CLCN5: variants seen among roughly 807,000 people sequenced by gnomAD.
CLCN5 encodes the protein H(+)/Cl(-) exchange transporter 5.
CLCN5 carries 17 observed loss-of-function variants against 54.0 expected under a neutral mutation model. The observed-to-expected ratio is 0.31, with a 90% CI of 0.22 to 0.47. CLCN5 has a LOEUF of 0.47. Ranked by LOEUF, CLCN5 falls within the 20% of genes least tolerant of loss-of-function variation. The pLI, the probability that CLCN5 is intolerant of heterozygous loss-of-function variation, is 1.00. For missense variants in CLCN5, 448 were observed against 646.7 expected (o/e 0.69, Z 3.33); for synonymous variants, 222 against 233.0 (o/e 0.95, Z 0.43).
intron 5 of CLCN5, 130 bp from the exon 6 acceptor site, chrX:50,072,359 T>A: frequency 1.9e-6 from 1 of 530,487 alleles, no homozygotes; most frequent in Admixed American, 2.6e-5. Flanking sequence ...CAGCTAAAGA[T>A]TATGTGAAAA....
chrX:49,981,861 G>T (rs782143690), intron 3 of CLCN5, among the ~76,000 whole-genome samples: 1 of 110,846 alleles, frequency 9.0e-6, no homozygotes, highest in Non-Finnish European at 1.9e-5. Flanking sequence ...ATCAGTTTAA[G>T]TCTTCACACC....
intron 3 of CLCN5, among the ~76,000 whole-genome samples, chrX:49,930,730 A>G (rs1557168753): frequency 9.0e-6 from 1 of 111,563 alleles, no homozygotes. Context: ...TTCCATATTC[A>G]TGGGTGTCAT....
At chrX:50,060,396 G>A (rs1344768568) in intron 4 of CLCN5, among the ~76,000 whole-genome samples, 3 of 108,829 alleles carry the variant, frequency 2.8e-5, no homozygotes, top group African/African-American at 6.7e-5. Context: ...AAGGGGTGAC[G>A]GACGCACCTG....
intron 3 of CLCN5, among the ~76,000 whole-genome samples, chrX:49,958,943 C>G (rs1557174231): frequency 8.9e-6 from 1 of 112,033 alleles, no homozygotes; most frequent in Non-Finnish European, 1.9e-5. Context: ...GATGATCTTA[C>G]TTTGAAAAAT....
At chrX:50,027,680 A>C (rs1224141390) in intron 3 of CLCN5, among the ~76,000 whole-genome samples, 1 of 108,478 alleles carries the variant, frequency 9.2e-6, no homozygotes, top group East Asian at 2.8e-4. Context: ...TGTTATAATA[A>C]TTCCAACATT....
At chrX:50,011,396 A>C (rs944539603) in intron 3 of CLCN5, among the ~76,000 whole-genome samples, 2 of 112,355 alleles carry the variant, frequency 1.8e-5, no homozygotes, top group Non-Finnish European at 3.8e-5. Flanking sequence ...AATGTTGTGG[A>C]TGAATAGGCC....
At position 49,925,248 on chromosome X, in the gene CLCN5, G is replaced by A; in HGVS notation, c.-51G>A. The A allele has an allele frequency of 5.0e-6, 6 of 1,188,995 alleles. No individual in the cohort carries two copies. Among genetic ancestry groups the A allele is most frequent in the South Asian group, 1.8e-5 (1 of 56,449 alleles). On this transcript the variant is annotated 5_prime_UTR_variant, in exon 3 of 15. Coordinates refer to ENST00000376091, the MANE Select transcript of CLCN5 (RefSeq NM_001127898.4). ...TCAAGTCTCCCTACAAAACTGAGAG[G>A]CTCTGGGAAACTCAGCCTGTGACCC...
chrX:49,933,635 C>T (rs1176593342), intron 3 of CLCN5, among the ~76,000 whole-genome samples: 1 of 112,251 alleles, frequency 8.9e-6, no homozygotes, highest in Non-Finnish European at 1.9e-5. Flanking sequence ...GTTATTTAAT[C>T]TCTTTGTGCC....
At chrX:49,960,047 C>T (rs1429115859) in intron 3 of CLCN5, among the ~76,000 whole-genome samples, 1 of 111,332 alleles carries the variant, frequency 9.0e-6, no homozygotes, top group Non-Finnish European at 1.9e-5. Flanking sequence ...TCTTTGACAT[C>T]ATCATCACTT....
intron 4 of CLCN5, among the ~76,000 whole-genome samples, chrX:50,051,602 G>A (rs1270470612): frequency 8.9e-6 from 1 of 111,924 alleles, no homozygotes; most frequent in Non-Finnish European, 1.9e-5. Flanking sequence ...AGATCAAGCT[G>A]GGAAGAATTG....
At chrX:50,037,749 T>G (rs1476325691) in intron 3 of CLCN5, among the ~76,000 whole-genome samples, 2 of 112,341 alleles carry the variant, frequency 1.8e-5, no homozygotes, top group Non-Finnish European at 3.8e-5. Flanking sequence ...AAATTGAGCC[T>G]TGTTATGTTG....
chrX:50,036,743 G>A (rs1265187928), intron 3 of CLCN5, among the ~76,000 whole-genome samples: 3 of 111,846 alleles, frequency 2.7e-5, no homozygotes, highest in African/African-American at 9.8e-5. Context: ...CATAACCAGC[G>A]AGGGGAGAGA....
intron 3 of CLCN5, among the ~76,000 whole-genome samples, chrX:49,993,557 C>T (rs1166081661): frequency 1.8e-5 from 2 of 111,860 alleles, no homozygotes; most frequent in Non-Finnish European, 3.8e-5. Context: ...TCATATAATC[C>T]AAAAGCATTT....
At chrX:50,008,292 G>A in intron 3 of CLCN5, 1 of 197,844 alleles carries the variant, frequency 5.1e-6, no homozygotes, top group South Asian at 9.9e-5. Context: ...TGAGAGAACA[G>A]ACAAAATGTG....
intron 3 of CLCN5, among the ~76,000 whole-genome samples, chrX:49,970,356 A>G (rs1317874407): frequency 9.0e-6 from 1 of 110,923 alleles, no homozygotes; most frequent in Non-Finnish European, 1.9e-5. Flanking sequence ...CATCACCACA[A>G]TCTAATTTAA....
chrX:49,972,230 T>A (rs1403904867), intron 3 of CLCN5, among the ~76,000 whole-genome samples: 1 of 109,210 alleles, frequency 9.2e-6, no homozygotes, highest in Non-Finnish European at 1.9e-5. Flanking sequence ...TAATTGAGTA[T>A]GTATTTATTG....
At chrX:50,000,170 C>T (rs782551787) in intron 3 of CLCN5, among the ~76,000 whole-genome samples, 2 of 110,098 alleles carry the variant, frequency 1.8e-5, no homozygotes, top group East Asian at 5.8e-4. Flanking sequence ...CTCTCTAATC[C>T]TGCTTTTCTC....
At chrX:50,000,692 A>G (rs781953822) in intron 3 of CLCN5, among the ~76,000 whole-genome samples, 1 of 112,053 alleles carries the variant, frequency 8.9e-6, no homozygotes, top group Admixed American at 9.4e-5. Context: ...ATCCTAGACA[A>G]GTGACTTATC....
chrX:50,080,769 TA>T, intron 8 of CLCN5, 53 bp downstream of exon 8: 1 of 988,881 alleles, frequency 1.0e-6, no homozygotes. Flanking sequence ...ACTTTTTGGT[TA>T]AAATCTCTTA....
Sources: gnomAD v4.1 joint callset for allele counts (sites outside exome capture counted in the v4.1 genomes callset) on GRCh38, gnomAD v4.1.1 for gene constraint, MANE v1.5 for transcripts, NCBI Gene and HGNC (gene_info 2026-07-23, HGNC 2026-07-21) for gene names.